The following RAB3GAP1 variants were observed in gnomAD, a reference collection of about 807,000 sequenced individuals.
RAB3GAP1 encodes rab3 GTPase-activating protein catalytic subunit.
In RAB3GAP1, 86 loss-of-function variants were observed where a neutral mutation model predicts 130.7. That is an observed-to-expected ratio of 0.66 (90% CI 0.55 to 0.79). The LOEUF is 0.79. Among genes scored for constraint, RAB3GAP1 ranks in the 30% least tolerant of loss-of-function variants. The probability of loss-of-function intolerance (pLI) is 0.00; values close to 1 mark genes in which losing one functional copy is unlikely to be tolerated. For missense variants in RAB3GAP1, 1,029 were observed against 1,169.4 expected, an observed-to-expected ratio of 0.88 and a Z score of 1.75; for synonymous variants, 367 against 401.7, an observed-to-expected ratio of 0.91 and a Z score of 1.03.
intron 7 of RAB3GAP1, among the ~76,000 whole-genome samples, chr2:135,117,549 T>TCTTCTG (rs1558784329): frequency 2.4e-5 from 2 of 83,600 alleles, no homozygotes; most frequent in African/African-American, 7.4e-5. Flanking sequence ...TTCTGCTTCT[T>TCTTCTG]CTTCTTCTGC....
intron 17 of RAB3GAP1, among the ~76,000 whole-genome samples, chr2:135,145,294 T>C (rs1691961441): frequency 1.3e-5 from 2 of 152,144 alleles, no homozygotes; most frequent in African/African-American, 4.8e-5. Flanking sequence ...TTGTTAACCA[T>C]AGTTACCCTA....
At chr2:135,142,125 T>C (rs900512154) in intron 17 of RAB3GAP1, among the ~76,000 whole-genome samples, 1 of 152,224 alleles carries the variant, frequency 6.6e-6, no homozygotes, top group African/African-American at 2.4e-5. Flanking sequence ...TGCATTGAAT[T>C]TGTAGATCAA....
chr2:135,133,953 G>T lies in RAB3GAP1; in HGVS notation c.1419G>T (p.Gly473=). Residue 473 remains glycine, a synonymous_variant, in exon 15 of 24, where the codon GGG becomes GGT. Coordinates refer to ENST00000264158, the MANE Select transcript of RAB3GAP1 (RefSeq NM_012233.3). ...CLCMINFYHG[G]LKGVAHLWQE... is the part of the protein sequence containing the mutation. ...GTATGATCAATTTTTACCATGGAGG[G>T]TTGAAAGGAGTGGCACACCTCTGGC... 3.1e-6 allele frequency: 5 copies of T among 1,613,908 alleles called. No homozygotes were observed. The highest frequency in any genetic ancestry group is 4.2e-6 in the Non-Finnish European group (5 of 1,179,826).
In RAB3GAP1 at chr2:135,103,006, G is replaced by GAAAAAA. The variant is rs371708711; in HGVS notation, c.362+9325_362+9330dup. Among the ~76,000 whole-genome samples the GAAAAAA allele has an allele frequency of 3.6e-3, 256 of 70,620 alleles. 1 individual carries two copies. The highest frequency in any genetic ancestry group is 0.017 in the East Asian group (33 of 1,936). 46.3% of individuals were successfully genotyped at this position (70,620 alleles called of 152,430 possible). A position where few individuals can be genotyped will look rare whatever the true frequency, so the allele number is the denominator to read the frequency against. ...TGGGCGACAGTGCGAGACTCCGTCT[G>GAAAAAA]AAAAAAAAAAAAAAAAATCATTTTT... On this transcript the variant is annotated intron_variant, in intron 5 of 23. Coordinates refer to ENST00000264158, the MANE Select transcript of RAB3GAP1 (RefSeq NM_012233.3).
intron 19 of RAB3GAP1, among the ~76,000 whole-genome samples, chr2:135,158,950 G>C (rs975287157): frequency 2.0e-5 from 3 of 152,092 alleles, no homozygotes; most frequent in Non-Finnish European, 4.4e-5. Flanking sequence ...ATTTTAAAAA[G>C]ATTTTGAAAA....
At chr2:135,143,644 G>A (rs1404621944) in intron 17 of RAB3GAP1, among the ~76,000 whole-genome samples, 4 of 146,222 alleles carry the variant, frequency 2.7e-5, no homozygotes, top group African/African-American at 5.1e-5. Context: ...TGCAAGCTCC[G>A]CTTCCCAGGT....
At chr2:135,106,080 C>T (rs1359957159) in intron 5 of RAB3GAP1, among the ~76,000 whole-genome samples, 9 of 151,702 alleles carry the variant, frequency 5.9e-5, no homozygotes, top group African/African-American at 1.7e-4. Context: ...GCCCGGCAGC[C>T]GCCCCATCCG....
rs72980321 is a variant in RAB3GAP1 at position 135,169,084 on chromosome 2, G to A, written c.*303G>A. ...CACTCCGTCCTCACACTGGCAGGACGGTGTTCATCGCATTCTCTTCTGTGA... is the reference window on the plus strand; with the variant it reads ...CACTCCGTCCTCACACTGGCAGGACAGTGTTCATCGCATTCTCTTCTGTGA... On this transcript the variant is annotated 3_prime_UTR_variant, in exon 24 of 24. Transcript: ENST00000264158. 1.7e-3 allele frequency: 744 copies of A among 450,476 alleles called. 5 individuals are homozygous for A. Among genetic ancestry groups the A allele is most frequent in the African/African-American group, 0.013 (669 of 50,218 alleles). The allele number at this position is 450,476 out of a possible 1,614,324, so 27.9% of individuals were successfully genotyped here. A position where few individuals can be genotyped will look rare whatever the true frequency, so the allele number is the denominator to read the frequency against.
At chr2:135,087,789 A>G (rs1690027534) in intron 3 of RAB3GAP1, among the ~76,000 whole-genome samples, 1 of 152,210 alleles carries the variant, frequency 6.6e-6, no homozygotes, top group African/African-American at 2.4e-5. Context: ...TATTCTACAT[A>G]CATGATCAGG....
chr2:135,148,130 A>C (rs570878145), intron 17 of RAB3GAP1, among the ~76,000 whole-genome samples: 2 of 152,248 alleles, frequency 1.3e-5, no homozygotes, highest in South Asian at 4.1e-4. Flanking sequence ...TCTAGGCAAA[A>C]TTTTAGTCCA....
chr2:135,171,160 C>A (rs1692841018), downstream of RAB3GAP1, among the ~76,000 whole-genome samples: 1 of 151,978 alleles, frequency 6.6e-6, no homozygotes, highest in South Asian at 2.1e-4. Context: ...ATTTGGGGGG[C>A]AGCCAACATT....
chr2:135,145,401 C>A (rs6756246), intron 17 of RAB3GAP1, among the ~76,000 whole-genome samples: 3 of 92,542 alleles, frequency 3.2e-5, no homozygotes, highest in South Asian at 5.3e-4. Flanking sequence ...CACACACATA[C>A]ACACACACAC....
At chr2:135,087,929 G>A (rs1690032593) in intron 3 of RAB3GAP1, among the ~76,000 whole-genome samples, 1 of 152,138 alleles carries the variant, frequency 6.6e-6, no homozygotes, top group Non-Finnish European at 1.5e-5. Context: ...TGTCATTTCG[G>A]TTCGCATAGC....
At chr2:135,059,907 T>C (rs1244490587) in intron 3 of RAB3GAP1, among the ~76,000 whole-genome samples, 2 of 152,104 alleles carry the variant, frequency 1.3e-5, no homozygotes, top group Non-Finnish European at 2.9e-5. Context: ...GAAGAAAGTG[T>C]AGAGGACAGG....
chr2:135,135,997 A>T, intron 17 of RAB3GAP1, 65 bp downstream of exon 17: 1 of 1,579,784 alleles, frequency 6.3e-7, no homozygotes, highest in Non-Finnish European at 8.7e-7. Context: ...ATCCTAGTAG[A>T]AGATAGTGCT....
intron 17 of RAB3GAP1, among the ~76,000 whole-genome samples, chr2:135,141,525 G>C (rs896608151): frequency 1.3e-5 from 2 of 151,896 alleles, no homozygotes; most frequent in East Asian, 1.9e-4. Flanking sequence ...CGCCTGGCCT[G>C]TTCACTTTCT....
chr2:135,142,012 G>T (rs1264940834), intron 17 of RAB3GAP1, among the ~76,000 whole-genome samples: 2 of 152,108 alleles, frequency 1.3e-5, no homozygotes, highest in Non-Finnish European at 2.9e-5. Context: ...CATTATCTTA[G>T]CTATTCTAGG....
intron 19 of RAB3GAP1, among the ~76,000 whole-genome samples, chr2:135,161,051 CAG>C (rs1445878704): frequency 2.0e-5 from 3 of 152,074 alleles, no homozygotes; most frequent in East Asian, 1.9e-4. Context: ...TTCTGTGAAT[CAG>C]GGGAAAACAA....
chr2:135,124,255 T>C lies in RAB3GAP1; in HGVS notation c.830+9T>C. On this transcript the variant is annotated intron_variant, in intron 9 of 23. Transcript: ENST00000264158. ...TGCGAAGATCCTATTAGGTGAGAAT[T>C]TCAACCTGTCATTTGAATTGTGGGA... The C allele has an allele frequency of 6.2e-7, 1 of 1,610,326 alleles. No individual in the cohort carries two copies. Among genetic ancestry groups the C allele is most frequent in the Non-Finnish European group, 8.5e-7 (1 of 1,176,562 alleles).
Sources: gnomAD v4.1 joint callset for allele counts (sites outside exome capture counted in the v4.1 genomes callset) on GRCh38, gnomAD v4.1.1 for gene constraint, MANE v1.5 for transcripts, NCBI Gene and HGNC (gene_info 2026-07-23, HGNC 2026-07-21) for gene names.